The following SPOCK3 variants were observed in gnomAD, a reference collection of about 807,000 sequenced individuals.
The protein encoded by SPOCK3 is testican-3.
A neutral mutation model predicts 56.6 loss-of-function variants in SPOCK3; 30 were observed. The ratio of observed to expected loss-of-function variants is 0.53; its 90% CI spans 0.40 to 0.72. The LOEUF (loss-of-function observed/expected upper bound fraction) is 0.72. Ranked by LOEUF, SPOCK3 falls within the 30% of genes least tolerant of loss-of-function variation. SPOCK3 has a pLI of 0.00. For missense variants in SPOCK3, 527 were observed against 530.0 expected, an observed-to-expected ratio of 0.99 and a Z score of 0.06; for synonymous variants, 196 against 183.3, an observed-to-expected ratio of 1.07 and a Z score of -0.56.
chr4:167,024,960 T>C (rs1751566966), intron 3 of SPOCK3, among the ~76,000 whole-genome samples: 1 of 152,062 alleles, frequency 6.6e-6, no homozygotes, highest in Non-Finnish European at 1.5e-5. Context: ...TATCTTTCTA[T>C]GGTAGAAATG....
chr4:166,937,749 T>C (rs968870771), intron 4 of SPOCK3, among the ~76,000 whole-genome samples: 6 of 134,010 alleles, frequency 4.5e-5, no homozygotes, highest in Non-Finnish European at 9.4e-5. Context: ...TTTTTCTTTT[T>C]TCTATTTTTT....
chr4:167,069,645 A>G (rs1307549948), intron 2 of SPOCK3, among the ~76,000 whole-genome samples: 1 of 151,964 alleles, frequency 6.6e-6, no homozygotes, highest in Non-Finnish European at 1.5e-5. Context: ...TGTCTTTCAT[A>G]ACAGTGCATC....
chr4:166,953,631 C>A (rs1742998327), intron 4 of SPOCK3, among the ~76,000 whole-genome samples: 1 of 152,138 alleles, frequency 6.6e-6, no homozygotes, highest in African/African-American at 2.4e-5. Flanking sequence ...AAGACACATG[C>A]ACATGTATGT....
chr4:166,768,078 G>T (rs950296077), intron 7 of SPOCK3, among the ~76,000 whole-genome samples: 27 of 151,678 alleles, frequency 1.8e-4, no homozygotes, highest in African/African-American at 5.8e-4. Context: ...GAGCCTATGT[G>T]TGTCTCTGCA....
intron 6 of SPOCK3, among the ~76,000 whole-genome samples, chr4:166,850,117 A>G (rs1748523743): frequency 6.6e-6 from 1 of 152,334 alleles, no homozygotes; most frequent in East Asian, 1.9e-4. Flanking sequence ...GAATTGCTGG[A>G]TCATATGGTA....
At chr4:166,863,864 T>C (rs1421413886) in intron 6 of SPOCK3, among the ~76,000 whole-genome samples, 2 of 152,046 alleles carry the variant, frequency 1.3e-5, no homozygotes, top group Admixed American at 1.3e-4. Context: ...CTGTCAATAT[T>C]AGACAAATCA....
chr4:166,972,762 A>G (rs575677478), intron 4 of SPOCK3, among the ~76,000 whole-genome samples: 54 of 151,654 alleles, frequency 3.6e-4, no homozygotes, highest in Admixed American at 5.3e-4. Flanking sequence ...TTAACAATAT[A>G]TTAAACTATA....
intron 2 of SPOCK3, among the ~76,000 whole-genome samples, chr4:167,140,364 G>A (rs1475211243): frequency 6.6e-6 from 1 of 151,978 alleles, no homozygotes; most frequent in Non-Finnish European, 1.5e-5. Context: ...AATAGACATA[G>A]CTTATACCTA....
intron 3 of SPOCK3, among the ~76,000 whole-genome samples, chr4:167,032,171 C>T (rs957392414): frequency 6.6e-6 from 1 of 151,792 alleles, no homozygotes; most frequent in Non-Finnish European, 1.5e-5. Context: ...GATTTTAGGG[C>T]AGGATTTTGT....
At chr4:167,115,676 G>A (rs1472808756) in intron 2 of SPOCK3, among the ~76,000 whole-genome samples, 1 of 152,028 alleles carries the variant, frequency 6.6e-6, no homozygotes, top group East Asian at 1.9e-4. Context: ...AAAGGAAAAT[G>A]CAGTTGTTAG....
intron 7 of SPOCK3, among the ~76,000 whole-genome samples, chr4:166,765,103 G>A (rs1455674427): frequency 1.3e-5 from 2 of 152,060 alleles, no homozygotes; most frequent in Admixed American, 6.6e-5. Flanking sequence ...TTTGTCAGAT[G>A]AGTAGATTGC....
intron 6 of SPOCK3, among the ~76,000 whole-genome samples, chr4:166,883,942 T>C (rs1733933734): frequency 6.6e-6 from 1 of 152,212 alleles, no homozygotes; most frequent in South Asian, 2.1e-4. Context: ...TTATCTTTCC[T>C]GATGACCTAG....
rs111447076 is a variant in SPOCK3, at chr4:166,795,679, T to A, written c.590-3390A>T. ...TTAAATATTAATAAAGTTGATATAT[T>A]TTATAACTAATAAATGAAGTATTTA... On this transcript the variant is annotated intron_variant, in intron 6 of 10. Transcript: ENST00000357545. Among the ~76,000 whole-genome samples the A allele has an allele frequency of 4.2e-3, 641 of 151,920 alleles. 4 individuals carry two copies. Among genetic ancestry groups the A allele is most frequent in the African/African-American group, 0.015 (604 of 41,488 alleles).
At chr4:167,054,388 A>G (rs1754561861) in intron 3 of SPOCK3, among the ~76,000 whole-genome samples, 1 of 152,232 alleles carries the variant, frequency 6.6e-6, no homozygotes, top group Admixed American at 6.5e-5. Context: ...GCTACCACCT[A>G]GGTTCACACA....
intron 2 of SPOCK3, among the ~76,000 whole-genome samples, chr4:167,180,510 G>A (rs1731364870): frequency 6.6e-6 from 1 of 152,196 alleles, no homozygotes; most frequent in Admixed American, 6.5e-5. Context: ...CCTTGAAAGA[G>A]AGGTTACGTT....
At chr4:167,012,732 G>C (rs1750211700) in intron 3 of SPOCK3, among the ~76,000 whole-genome samples, 1 of 151,948 alleles carries the variant, frequency 6.6e-6, no homozygotes, top group Admixed American at 6.6e-5. Context: ...CACAAAAAAT[G>C]AAGTGACCAG....
In SPOCK3 at chr4:167,085,596, G is replaced by A. The variant is rs17052938; in HGVS notation, c.190-23059C>T. 2.3e-3 allele frequency among the ~76,000 whole-genome samples: 345 copies of A among 152,194 alleles called. 4 individuals are homozygous for A. Among genetic ancestry groups the A allele is most frequent in the African/African-American group, 7.7e-3 (320 of 41,542 alleles). ...CATCGTTTGAAAAGAGGAATCTAGC[G>A]TCATGATGGAAGATGTGTCATAGCC... On this transcript the variant is annotated intron_variant, in intron 2 of 10. Transcript: ENST00000357545.
At chr4:167,014,397 G>C (rs1253438684) in intron 3 of SPOCK3, among the ~76,000 whole-genome samples, 1 of 151,666 alleles carries the variant, frequency 6.6e-6, no homozygotes, top group East Asian at 1.9e-4. Context: ...TGCAATCCCA[G>C]TATTTTGGGA....
chr4:167,079,527 A>C (rs1215986359), intron 2 of SPOCK3, among the ~76,000 whole-genome samples: 1 of 152,012 alleles, frequency 6.6e-6, no homozygotes, highest in Non-Finnish European at 1.5e-5. Flanking sequence ...TACACCAAGA[A>C]AATAAATGTT....
Sources: gnomAD v4.1 joint callset for allele counts (sites outside exome capture counted in the v4.1 genomes callset) on GRCh38, gnomAD v4.1.1 for gene constraint, MANE v1.5 for transcripts, NCBI Gene and HGNC (gene_info 2026-07-23, HGNC 2026-07-21) for gene names.